PLCB1: variants seen among roughly 807,000 people sequenced by gnomAD.
PLCB1 encodes 1-phosphatidylinositol 4,5-bisphosphate phosphodiesterase beta-1.
PLCB1 carries 46 observed loss-of-function variants against 161.8 expected under a neutral mutation model. The observed-to-expected ratio is 0.28, with a 90% CI of 0.22 to 0.36. The LOEUF is 0.36. Among genes scored for constraint, PLCB1 ranks in the 10% least tolerant of loss-of-function variants. The pLI is 1.00. For missense variants in PLCB1, 1,016 were observed against 1,472.5 expected, an observed-to-expected ratio of 0.69 and a Z score of 5.07; for synonymous variants, 517 against 503.7, an observed-to-expected ratio of 1.03 and a Z score of -0.35.
intron 1 of PLCB1, among the ~76,000 whole-genome samples, chr20:8,138,712 A>T (rs892164248): frequency 2.6e-5 from 4 of 152,202 alleles, no homozygotes; most frequent in Non-Finnish European, 5.9e-5. Context: ...GATTTTTGTA[A>T]CTAACTAACT....
intron 13 of PLCB1, among the ~76,000 whole-genome samples, chr20:8,716,681 T>C (rs1979332250): frequency 6.6e-6 from 1 of 152,116 alleles, no homozygotes; most frequent in Non-Finnish European, 1.5e-5. Context: ...TCACACCTCT[T>C]TGAGATGAAT....
intron 3 of PLCB1, among the ~76,000 whole-genome samples, chr20:8,578,984 A>G (rs1986755632): frequency 6.6e-6 from 1 of 152,240 alleles, no homozygotes; most frequent in Non-Finnish European, 1.5e-5. Flanking sequence ...AAGCATTATA[A>G]CAGATGATAG....
chr20:8,819,499 A>G (rs1313278539), intron 31 of PLCB1, among the ~76,000 whole-genome samples: 1 of 152,170 alleles, frequency 6.6e-6, no homozygotes, highest in Non-Finnish European at 1.5e-5. Context: ...TTTAACAGAA[A>G]GATTGATAAT....
intron 31 of PLCB1, among the ~76,000 whole-genome samples, chr20:8,832,317 G>A (rs1986053766): frequency 6.6e-6 from 1 of 152,118 alleles, no homozygotes; most frequent in African/African-American, 2.4e-5. Context: ...AGGGTTATAT[G>A]GGATATTTAA....
intron 16 of PLCB1, 145 bp downstream of exon 16, chr20:8,724,897 G>A (rs1185712161): frequency 1.7e-6 from 1 of 590,302 alleles, no homozygotes; most frequent in African/African-American, 1.9e-5. Flanking sequence ...TGACTGCCTT[G>A]TTACTTTACA....
intron 2 of PLCB1, among the ~76,000 whole-genome samples, chr20:8,178,992 G>A (rs1400173383): frequency 6.6e-6 from 1 of 152,070 alleles, no homozygotes; most frequent in Non-Finnish European, 1.5e-5. Context: ...ATTGGTCTAC[G>A]TGTCTATTTT....
intron 7 of PLCB1, chr20:8,651,303 A>T (rs1389528090): frequency 3.2e-6 from 2 of 627,200 alleles, no homozygotes; most frequent in Non-Finnish European, 2.9e-6. Context: ...TAAATTTATC[A>T]GCCAATTATT....
chr20:8,445,035 A>G (rs1182243816), intron 3 of PLCB1, among the ~76,000 whole-genome samples: 1 of 152,068 alleles, frequency 6.6e-6, no homozygotes, highest in East Asian at 1.9e-4. Context: ...TGCTGTGCAG[A>G]AGTTCTTTAG....
At chr20:8,439,170 G>A (rs116315144) in intron 3 of PLCB1, among the ~76,000 whole-genome samples, 2 of 152,236 alleles carry the variant, frequency 1.3e-5, no homozygotes, top group Non-Finnish European at 2.9e-5. Context: ...TTTAACAGTC[G>A]ATGGAGTGCA....
intron 2 of PLCB1, among the ~76,000 whole-genome samples, chr20:8,322,668 A>G (rs926046282): frequency 6.6e-6 from 1 of 152,216 alleles, no homozygotes; most frequent in Non-Finnish European, 1.5e-5. Flanking sequence ...TCAGACATCA[A>G]GTAGAAAAAC....
chr20:8,653,668 C>T (rs756065774), intron 7 of PLCB1: 2 of 151,500 alleles, frequency 1.3e-5, no homozygotes, highest in Non-Finnish European at 2.9e-5. Flanking sequence ...GATTTTTTTC[C>T]GAAATTTAAG....
intron 2 of PLCB1, among the ~76,000 whole-genome samples, chr20:8,264,116 T>G (rs999408387): frequency 6.6e-6 from 1 of 152,196 alleles, no homozygotes; most frequent in African/African-American, 2.4e-5. Flanking sequence ...ACAGACTTAT[T>G]CTATAAGTTT....
chr20:8,835,061 A>G (rs979520029), intron 31 of PLCB1, among the ~76,000 whole-genome samples: 5 of 152,198 alleles, frequency 3.3e-5, no homozygotes, highest in Non-Finnish European at 5.9e-5. Flanking sequence ...ATTCAGAATA[A>G]TGATTGACCA....
chr20:8,315,788 A>G (rs1984619545), intron 2 of PLCB1, among the ~76,000 whole-genome samples: 1 of 152,146 alleles, frequency 6.6e-6, no homozygotes, highest in African/African-American at 2.4e-5. Flanking sequence ...AAGAAGCCTG[A>G]GTGTTTGCCT....
chr20:8,233,959 T>C (rs958321066), intron 2 of PLCB1, among the ~76,000 whole-genome samples: 3 of 152,212 alleles, frequency 2.0e-5, no homozygotes, highest in South Asian at 2.1e-4. Context: ...GGATGTTCCA[T>C]TTATTCATTC....
intron 2 of PLCB1, among the ~76,000 whole-genome samples, chr20:8,286,333 A>C (rs745326006): frequency 1.6e-4 from 24 of 152,216 alleles, no homozygotes; most frequent in Non-Finnish European, 2.5e-4. Context: ...CAAAAGAAAA[A>C]GAAAAGGTAC....
chr20:8,821,579 TGGAG>T (rs1482916876), intron 31 of PLCB1, among the ~76,000 whole-genome samples: 1 of 134,344 alleles, frequency 7.4e-6, no homozygotes, highest in African/African-American at 2.7e-5. Context: ...CTTTTAAAAA[TGGAG>T]GGAGGAGAGT....
chr20:8,738,864 G>T (rs908223935), intron 20 of PLCB1, among the ~76,000 whole-genome samples: 2 of 152,152 alleles, frequency 1.3e-5, no homozygotes, highest in African/African-American at 4.8e-5. Context: ...TGAAAAGCTG[G>T]TCCTGGCCAG....
chr20:8,640,039 C>T (rs1042966398), intron 4 of PLCB1, among the ~76,000 whole-genome samples: 2 of 152,022 alleles, frequency 1.3e-5, no homozygotes, highest in Non-Finnish European at 2.9e-5. Flanking sequence ...TTACCAAGGG[C>T]AAAATACCCT....
Sources: gnomAD v4.1 joint callset for allele counts (sites outside exome capture counted in the v4.1 genomes callset) on GRCh38, gnomAD v4.1.1 for gene constraint, MANE v1.5 for transcripts, NCBI Gene and HGNC (gene_info 2026-07-23, HGNC 2026-07-21) for gene names.